RTL4: variants seen among roughly 807,000 people sequenced by gnomAD.
RTL4 encodes retrotransposon Gag like 4.
Under a neutral mutation model 5.3 loss-of-function variants are expected in RTL4, and 4 were observed. That is an observed-to-expected ratio of 0.75 (90% CI 0.37 to 1.72). The LOEUF is 1.72. RTL4 is among the 40% of genes most tolerant of loss of function. The pLI, the probability that RTL4 is intolerant of heterozygous loss-of-function variation, is 0.04. For synonymous variants in RTL4, 98 were observed against 87.3 expected, an observed-to-expected ratio of 1.12 and a Z score of -0.68; for missense variants, 260 against 227.1, an observed-to-expected ratio of 1.14 and a Z score of -0.93.
the RTL4 span, among the ~76,000 whole-genome samples, chrX:112,420,565 T>G: frequency 4.5e-5 from 5 of 111,517 alleles, no homozygotes; most frequent in African/African-American, 1.3e-4. Flanking sequence ...GCTCTGCCAC[T>G]TAGGTCCTGG....
the RTL4 span, among the ~76,000 whole-genome samples, chrX:112,332,330 G>A: frequency 2.4e-3 from 263 of 110,398 alleles, 1 homozygote; most frequent in African/African-American, 7.9e-3. Context: ...TCCCATTACT[G>A]GGTATATACC....
the RTL4 span, among the ~76,000 whole-genome samples, chrX:112,303,349 CT>C: frequency 9.1e-6 from 1 of 109,305 alleles, no homozygotes; most frequent in African/African-American, 3.3e-5. Context: ...TGATTGGTAG[CT>C]GTTTAAATGT....
the RTL4 span, among the ~76,000 whole-genome samples, chrX:112,398,805 CA>C: frequency 1.8e-5 from 2 of 111,945 alleles, no homozygotes; most frequent in African/African-American, 6.5e-5. Context: ...TTTTTGATAT[CA>C]GAGTAATGCT....
chrX:112,426,650 G>A, the RTL4 span, among the ~76,000 whole-genome samples: 27 of 111,538 alleles, frequency 2.4e-4, no homozygotes, highest in Middle Eastern at 4.6e-3. Flanking sequence ...AAACGGCAAT[G>A]TGTTTTTAAT....
chrX:112,431,525 G>A, the RTL4 span, among the ~76,000 whole-genome samples: 1 of 110,693 alleles, frequency 9.0e-6, no homozygotes, highest in Non-Finnish European at 1.9e-5. Context: ...TCCTACTGCA[G>A]CACTGGTTCC....
the RTL4 span, among the ~76,000 whole-genome samples, chrX:112,209,672 A>G: frequency 1.2e-4 from 13 of 111,179 alleles, no homozygotes; most frequent in Admixed American, 4.8e-4. Flanking sequence ...GGACCTACTC[A>G]AGGCCGATCA....
chrX:112,207,912 C>T, the RTL4 span, among the ~76,000 whole-genome samples: 4 of 110,746 alleles, frequency 3.6e-5, no homozygotes, highest in Non-Finnish European at 7.5e-5. Flanking sequence ...AGCTTATGCT[C>T]ATTCTAAATA....
the RTL4 span, among the ~76,000 whole-genome samples, chrX:112,103,115 T>C: frequency 8.9e-6 from 1 of 111,889 alleles, no homozygotes; most frequent in African/African-American, 3.2e-5. Flanking sequence ...TATTCTGTTA[T>C]AAAGATATAT....
chrX:112,339,438 G>A, the RTL4 span, among the ~76,000 whole-genome samples: 4 of 111,947 alleles, frequency 3.6e-5, no homozygotes. Context: ...TAGAGAAATG[G>A]TTTAAAGGAA....
chrX:112,211,463 C>T, the RTL4 span, among the ~76,000 whole-genome samples: 3 of 112,224 alleles, frequency 2.7e-5, no homozygotes, highest in Admixed American at 2.8e-4. Context: ...TGCAACAATG[C>T]TGCCTAGAAT....
the RTL4 span, among the ~76,000 whole-genome samples, chrX:112,251,191 T>A: frequency 8.9e-6 from 1 of 112,624 alleles, no homozygotes; most frequent in Non-Finnish European, 1.9e-5. Flanking sequence ...AAATAGAAAT[T>A]AAATTCTGTC....
At chrX:112,179,374 G>GA in the RTL4 span, among the ~76,000 whole-genome samples, 324 of 107,888 alleles carry the variant, frequency 3.0e-3, 1 homozygote, top group Middle Eastern at 4.7e-3. Context: ...AAGGACAAAT[G>GA]AAAAAAAAAC....
the RTL4 span, among the ~76,000 whole-genome samples, chrX:112,281,863 A>G: frequency 9.0e-6 from 1 of 111,655 alleles, no homozygotes; most frequent in African/African-American, 3.3e-5. Context: ...GGGTTGTTTG[A>G]GTTCCTTATA....
the RTL4 span, among the ~76,000 whole-genome samples, chrX:112,124,382 G>GCAGCACTA: frequency 1.8e-5 from 2 of 111,453 alleles, no homozygotes; most frequent in African/African-American, 6.5e-5. Flanking sequence ...TATGTTTATT[G>GCAGCACTA]CAGCACTATT....
the RTL4 span, among the ~76,000 whole-genome samples, chrX:112,276,438 T>C: frequency 8.9e-6 from 1 of 112,418 alleles, no homozygotes; most frequent in Non-Finnish European, 1.9e-5. Flanking sequence ...ATTTTCTTCT[T>C]AGAGAGTCAT....
the RTL4 span, among the ~76,000 whole-genome samples, chrX:112,313,449 G>A: frequency 2.7e-5 from 3 of 111,190 alleles, no homozygotes; most frequent in Non-Finnish European, 5.7e-5. Context: ...TGCACAGTGG[G>A]TGCTGTTATC....
At chrX:112,422,637 A>G in the RTL4 span, among the ~76,000 whole-genome samples, 1 of 111,394 alleles carries the variant, frequency 9.0e-6, no homozygotes, top group Admixed American at 9.6e-5. Context: ...GGCCTCAGGG[A>G]TAAAGATCAG....
chrX:112,395,294 A>G, the RTL4 span, among the ~76,000 whole-genome samples: 2 of 111,843 alleles, frequency 1.8e-5, no homozygotes, highest in African/African-American at 6.5e-5. Flanking sequence ...CCCTGATAAA[A>G]TTTGCTGCAC....
At chrX:112,455,664 G>A in exon 1 of RTL4, 3 of 1,190,094 alleles carry the variant, frequency 2.5e-6, no homozygotes, top group Non-Finnish European at 3.4e-6. Flanking sequence ...ACCAGTAAGA[G>A]GAGACCAGGA....
Sources: gnomAD v4.1 joint callset for allele counts (sites outside exome capture counted in the v4.1 genomes callset) on GRCh38, gnomAD v4.1.1 for gene constraint, MANE v1.5 for transcripts, NCBI Gene and HGNC (gene_info 2026-07-23, HGNC 2026-07-21) for gene names.